SLC13A1: variants seen among roughly 807,000 people sequenced by gnomAD.
SLC13A1 encodes Na(+)/sulfate cotransporter.
SLC13A1 carries 65 observed loss-of-function variants against 70.0 expected under a neutral mutation model. The ratio of observed to expected loss-of-function variants is 0.93; its 90% confidence interval spans 0.76 to 1.14. SLC13A1 has a LOEUF of 1.14. Among genes scored for constraint, SLC13A1 ranks in the 50% most tolerant of loss-of-function variants. SLC13A1 has a pLI of 0.00. For missense variants in SLC13A1, 726 were observed against 717.8 expected (o/e 1.01, Z -0.13); for synonymous variants, 275 against 250.5 (o/e 1.10, Z -0.92).
chr7:123,123,912 A>C (rs534904787), intron 11 of SLC13A1, among the ~76,000 whole-genome samples: 4 of 152,270 alleles, frequency 2.6e-5, no homozygotes, highest in African/African-American at 9.6e-5. Flanking sequence ...TGTGTATAAC[A>C]GGCAGCCTTC....
At chr7:123,115,771 A>G in intron 14 of SLC13A1, 116 bp from the exon 15 acceptor site, 1 of 1,064,402 alleles carries the variant, frequency 9.4e-7, no homozygotes, top group African/African-American at 1.6e-5. Flanking sequence ...ATTAGTATAA[A>G]TTGTCATTTT....
At chr7:123,190,969 A>G (rs1260541020) in intron 1 of SLC13A1, among the ~76,000 whole-genome samples, 1 of 151,540 alleles carries the variant, frequency 6.6e-6, no homozygotes, top group Non-Finnish European at 1.5e-5. Context: ...TGATTTCCCT[A>G]TTATTTTCAT....
At chr7:123,126,770 A>G (rs571503530) in intron 10 of SLC13A1, among the ~76,000 whole-genome samples, 17 of 152,134 alleles carry the variant, frequency 1.1e-4, no homozygotes, top group Admixed American at 2.6e-4. Context: ...TTATAATTTT[A>G]TTATACCTTA....
Position 123,191,156 on chromosome 7 carries a change from T to G in SLC13A1, c.99+8692A>C, listed in dbSNP as rs1249049808. The stretch of plus-strand genomic sequence containing the variant: ...GCCAGTTCCTAGTTCCTGGTTCAGA[T>G]GGGTCTTATCTTGACACCCTAGAGT... On this transcript the variant is annotated intron_variant, in intron 1 of 14. Coordinates refer to ENST00000194130, the MANE Select transcript of SLC13A1 (RefSeq NM_022444.4). 2.0e-5 allele frequency among the ~76,000 whole-genome samples: 3 copies of G among 152,270 alleles called. No individual in the cohort carries two copies. In the East Asian group the frequency reaches 5.8e-4, roughly 30 times the overall value.
rs149543703 is a variant in SLC13A1, at chr7:123,180,738, A to G, written c.228+235T>C. Among the ~76,000 whole-genome samples the G allele has an allele frequency of 3.7e-4, 57 of 152,188 alleles. 1 individual carries two copies. The East Asian group carries it at 0.01, about 27-fold the overall frequency. On this transcript the variant is annotated intron_variant, in intron 2 of 14. Coordinates refer to ENST00000194130, the MANE Select transcript of SLC13A1 (RefSeq NM_022444.4). Reference sequence around the variant, plus strand: ...TAGGCATAGATGTCAGTGAGAGAAGAGGGGACATACATTTCTCCCACTGAC... The same window carrying G: ...TAGGCATAGATGTCAGTGAGAGAAGGGGGGACATACATTTCTCCCACTGAC...
intron 7 of SLC13A1, among the ~76,000 whole-genome samples, chr7:123,143,737 T>C (rs1047055132): frequency 2.6e-5 from 4 of 152,150 alleles, no homozygotes; most frequent in South Asian, 2.1e-4. Flanking sequence ...TTTCTGTATG[T>C]AGATAGATGT....
intron 1 of SLC13A1, among the ~76,000 whole-genome samples, chr7:123,184,957 C>A (rs535277145): frequency 6.6e-6 from 1 of 152,106 alleles, no homozygotes; most frequent in Non-Finnish European, 1.5e-5. Context: ...CACATCCTGG[C>A]CAACACTTGT....
chr7:123,192,481 G>C (rs1796025835), intron 1 of SLC13A1, among the ~76,000 whole-genome samples: 1 of 152,074 alleles, frequency 6.6e-6, no homozygotes, highest in Non-Finnish European at 1.5e-5. Context: ...TTAAAATATA[G>C]TTTTTTCATC....
intron 1 of SLC13A1, among the ~76,000 whole-genome samples, chr7:123,185,094 G>A (rs1795757002): frequency 6.6e-6 from 1 of 151,970 alleles, no homozygotes; most frequent in African/African-American, 2.4e-5. Context: ...CTTTTGAAAA[G>A]TCTATTCAAA....
At chr7:123,194,611 A>G (rs1349509803) in intron 1 of SLC13A1, among the ~76,000 whole-genome samples, 1 of 151,918 alleles carries the variant, frequency 6.6e-6, no homozygotes, top group African/African-American at 2.4e-5. Context: ...CAAACAGTCT[A>G]TGAAAGAAAG....
At chr7:123,196,737 C>T (rs1232295572) in intron 1 of SLC13A1, among the ~76,000 whole-genome samples, 1 of 152,086 alleles carries the variant, frequency 6.6e-6, no homozygotes, top group Non-Finnish European at 1.5e-5. Flanking sequence ...ATGGTTAAAA[C>T]AGAACTCTTC....
chr7:123,198,583 A>G (rs1053946359), intron 1 of SLC13A1, among the ~76,000 whole-genome samples: 1 of 152,030 alleles, frequency 6.6e-6, no homozygotes, highest in African/African-American at 2.4e-5. Flanking sequence ...AGCAGGGGCC[A>G]GTCCCTTCTC....
intron 6 of SLC13A1, among the ~76,000 whole-genome samples, chr7:123,158,321 G>T (rs551917895): frequency 6.6e-6 from 1 of 152,044 alleles, no homozygotes; most frequent in African/African-American, 2.4e-5. Context: ...AAGACAAATA[G>T]AGTTTACATA....
Position 123,171,192 on chromosome 7 carries a change from C to T in SLC13A1, c.365+576G>A, listed in dbSNP as rs565557718. 1.6e-3 allele frequency among the ~76,000 whole-genome samples: 239 copies of T among 152,098 alleles called. 2 individuals carry two copies. Among genetic ancestry groups the T allele is most frequent in the African/African-American group, 5.2e-3 (214 of 41,516 alleles). On this transcript the variant is annotated intron_variant, in intron 3 of 14. Coordinates refer to ENST00000194130, the MANE Select transcript of SLC13A1 (RefSeq NM_022444.4). Reference sequence around the variant, plus strand: ...TTCTTAGCAAGAAGTGAAATAAAACCGAAATAGCCAATTAATTTTATCAGT... The same window carrying T: ...TTCTTAGCAAGAAGTGAAATAAAACTGAAATAGCCAATTAATTTTATCAGT...
chr7:123,116,916 G>T (rs1793198307), intron 14 of SLC13A1, among the ~76,000 whole-genome samples: 1 of 152,128 alleles, frequency 6.6e-6, no homozygotes, highest in Admixed American at 6.5e-5. Flanking sequence ...CAGTACTTTT[G>T]TATTTGGCAA....
At chr7:123,130,358 TA>T (rs1341022330) in intron 8 of SLC13A1, among the ~76,000 whole-genome samples, 1 of 152,182 alleles carries the variant, frequency 6.6e-6, no homozygotes, top group Non-Finnish European at 1.5e-5. Context: ...ATGTGGTACA[TA>T]TACACTATGG....
At chr7:123,165,401 C>G (rs894309776) in intron 6 of SLC13A1, among the ~76,000 whole-genome samples, 1 of 152,246 alleles carries the variant, frequency 6.6e-6, no homozygotes, top group South Asian at 2.1e-4. Flanking sequence ...TCTCCGTTAT[C>G]TTTTCTCTAT....
At chr7:123,166,551 C>G (rs981160077) in intron 6 of SLC13A1, among the ~76,000 whole-genome samples, 2 of 152,066 alleles carry the variant, frequency 1.3e-5, no homozygotes, top group African/African-American at 4.8e-5. Flanking sequence ...CCCCTTCCCC[C>G]ACCACACAAC....
intron 6 of SLC13A1, among the ~76,000 whole-genome samples, chr7:123,151,385 T>TGG (rs1446382104): frequency 7.3e-6 from 1 of 136,408 alleles, no homozygotes; most frequent in African/African-American, 3.0e-5. Flanking sequence ...TGTGTGTGTG[T>TGG]GTATATATAT....
Sources: allele counts gnomAD v4.1 joint callset (sites outside exome capture counted in the v4.1 genomes callset), GRCh38; gene constraint gnomAD v4.1.1; transcripts MANE v1.5; gene names NCBI Gene and HGNC (gene_info 2026-07-23, HGNC 2026-07-21).